CADM2: variants seen among roughly 807,000 people sequenced by gnomAD.
CADM2 encodes the protein cell adhesion molecule 2.
In CADM2, 12 loss-of-function variants were observed where a neutral mutation model predicts 49.8. The observed-to-expected ratio is 0.24, with a 90% confidence interval of 0.15 to 0.39. CADM2 has a LOEUF of 0.39. Ranked by LOEUF, CADM2 falls within the 10% of genes least tolerant of loss-of-function variation. The pLI is 1.00. For synonymous variants in CADM2, 214 were observed against 175.4 expected (o/e 1.22, Z -1.74); for missense variants, 378 against 492.3 (o/e 0.77, Z 2.20).
chr3:85,829,823 C>T (rs765377895), intron 3 of CADM2, among the ~76,000 whole-genome samples: 54 of 152,104 alleles, frequency 3.6e-4, no homozygotes, highest in East Asian at 3.9e-4. Context: ...CAGGTTCACT[C>T]ATGTTGTCCC....
rs1424093206 is a variant in CADM2, at chr3:86,019,777, G to T, written c.971-45828G>T. 8.5e-5 allele frequency among the ~76,000 whole-genome samples: 13 copies of T among 152,072 alleles called. No homozygotes were observed. In the East Asian group the frequency reaches 2.5e-3, roughly 29 times the overall value. ...TGCTTATCAGCTTAAGGAGATTTTG[G>T]GCTGAGACAATGGGGTTTTCTAGAT... On this transcript the variant is annotated intron_variant, in intron 8 of 9. Coordinates refer to ENST00000383699, the MANE Select transcript of CADM2 (RefSeq NM_001167675.2).
Position 85,025,296 on chromosome 3 carries a change from G to A in CADM2, c.61+65628G>A, listed in dbSNP as rs182704783. Among the ~76,000 whole-genome samples the A allele has an allele frequency of 3.1e-3, 467 of 152,084 alleles. 6 individuals carry two copies. Among genetic ancestry groups the A allele is most frequent in the African/African-American group, 0.011 (457 of 41,508 alleles). On this transcript the variant is annotated intron_variant, in intron 1 of 9. Coordinates refer to ENST00000383699, the MANE Select transcript of CADM2 (RefSeq NM_001167675.2). ...TTTAAGGTTTTTGGCAGGTTATGTG[G>A]GTCCCTGTTAAAGCAGTTACAGTCA...
chr3:85,291,787 A>G (rs1295427976), intron 1 of CADM2, among the ~76,000 whole-genome samples: 1 of 147,942 alleles, frequency 6.8e-6, no homozygotes, highest in African/African-American at 2.7e-5. Flanking sequence ...TCCTGAAGGA[A>G]GTGCTAAATA....
chr3:86,023,454 G>C (rs1481120007), intron 8 of CADM2, among the ~76,000 whole-genome samples: 1 of 152,030 alleles, frequency 6.6e-6, no homozygotes, highest in Non-Finnish European at 1.5e-5. Flanking sequence ...CACCTCCCGG[G>C]TTCAAGCAAT....
intron 8 of CADM2, chr3:86,013,557 G>T (rs1341277876): frequency 1.9e-5 from 31 of 1,603,534 alleles, no homozygotes; most frequent in Non-Finnish European, 2.5e-5. Context: ...GCAGATGGTA[G>T]AGATCTGTGA....
chr3:86,036,181 A>G (rs999564659), intron 8 of CADM2, among the ~76,000 whole-genome samples: 1 of 152,116 alleles, frequency 6.6e-6, no homozygotes, highest in African/African-American at 2.4e-5. Context: ...AAACCTTAAT[A>G]TATTAAGTCT....
chr3:85,919,888 T>G (rs951703077), intron 6 of CADM2, among the ~76,000 whole-genome samples: 7 of 151,902 alleles, frequency 4.6e-5, no homozygotes, highest in Non-Finnish European at 1.0e-4. Flanking sequence ...TCAATATAGA[T>G]GGGTTTAAAG....
intron 1 of CADM2, among the ~76,000 whole-genome samples, chr3:85,251,245 A>G (rs1258844128): frequency 2.0e-5 from 3 of 151,856 alleles, no homozygotes; most frequent in Non-Finnish European, 4.4e-5. Context: ...TTTGTTAAGC[A>G]TGTCCAAATT....
At chr3:85,455,337 T>A (rs373801743) in intron 1 of CADM2, among the ~76,000 whole-genome samples, 1 of 152,240 alleles carries the variant, frequency 6.6e-6, no homozygotes. Flanking sequence ...TCACATTTAT[T>A]ACCTTCATCT....
chr3:86,047,845 A>G (rs1318596803), intron 8 of CADM2, among the ~76,000 whole-genome samples: 1 of 152,168 alleles, frequency 6.6e-6, no homozygotes, highest in Non-Finnish European at 1.5e-5. Flanking sequence ...AACTTCTACA[A>G]TTAAACTTAG....
intron 1 of CADM2, among the ~76,000 whole-genome samples, chr3:85,058,666 A>G (rs1255763768): frequency 6.6e-6 from 1 of 151,862 alleles, no homozygotes; most frequent in African/African-American, 2.4e-5. Flanking sequence ...GTTGGTCTCT[A>G]ACTCCTGACC....
intron 1 of CADM2, among the ~76,000 whole-genome samples, chr3:85,076,339 G>GTGTGTGTGT (rs1553679923): frequency 1.9e-5 from 2 of 106,246 alleles, no homozygotes; most frequent in Admixed American, 9.9e-5. Flanking sequence ...GTGTGTGTGT[G>GTGTGTGTGT]GTGTGGTGTG....
rs116153377 is a variant in CADM2, at chr3:85,372,455, A to G, written c.62-354067A>G. Among the ~76,000 whole-genome samples the G allele has an allele frequency of 3.8e-3, 62 of 16,240 alleles. 1 individual carries two copies. Among genetic ancestry groups the G allele is most frequent in the African/African-American group, 6.6e-3 (57 of 8,596 alleles). 10.7% of individuals were successfully genotyped at this position (16,240 alleles called of 152,430 possible). A position where few individuals can be genotyped will look rare whatever the true frequency, so the allele number is the denominator to read the frequency against. On this transcript the variant is annotated intron_variant, in intron 1 of 9. Coordinates refer to ENST00000383699, the MANE Select transcript of CADM2 (RefSeq NM_001167675.2). The stretch of plus-strand genomic sequence containing the variant: ...TATATGTATATATGTGTATATATGT[A>G]TATATATGAGATCAAAATGTATGAA...
At chr3:85,707,059 C>T (rs72914810) in intron 1 of CADM2, among the ~76,000 whole-genome samples, 9,792 of 152,076 alleles carry the variant, frequency 0.064, 848 homozygotes, top group African/African-American at 0.2. Context: ...CTCAGCCTCC[C>T]GGGCTCAAGA....
At chr3:85,816,452 A>C (rs1007385440) in intron 3 of CADM2, among the ~76,000 whole-genome samples, 3 of 152,124 alleles carry the variant, frequency 2.0e-5, no homozygotes, top group Admixed American at 6.6e-5. Context: ...TATAATCTAC[A>C]ATGTACAGTC....
Position 85,979,307 on chromosome 3 carries a change from G to A in CADM2, c.970+17660G>A, listed in dbSNP as rs374587500. 3.2e-4 allele frequency: 507 copies of A among 1,605,850 alleles called. 1 individual carries two copies. Among genetic ancestry groups the A allele is most frequent in the Non-Finnish European group, 4.0e-4 (469 of 1,175,150 alleles). ...AGGTACAGTATGTTTCTTTGTTATA[G>A]CCTGGAAAGCACATTAACTGGAGCT... On this transcript the variant is annotated intron_variant, in intron 8 of 9. Coordinates refer to ENST00000383699, the MANE Select transcript of CADM2 (RefSeq NM_001167675.2).
intron 1 of CADM2, among the ~76,000 whole-genome samples, chr3:84,988,414 T>C (rs916884267): frequency 1.3e-5 from 2 of 152,258 alleles, no homozygotes; most frequent in South Asian, 2.1e-4. Flanking sequence ...TCTGTGTTTA[T>C]AGTCTCATTG....
At chr3:85,090,534 C>G (rs966265114) in intron 1 of CADM2, among the ~76,000 whole-genome samples, 1 of 152,094 alleles carries the variant, frequency 6.6e-6, no homozygotes, top group Non-Finnish European at 1.5e-5. Flanking sequence ...CCAATGAGCA[C>G]ATTCTATTTG....
At chr3:85,509,180 AC>A (rs1201983621) in intron 1 of CADM2, among the ~76,000 whole-genome samples, 7 of 152,134 alleles carry the variant, frequency 4.6e-5, no homozygotes, top group Non-Finnish European at 1.0e-4. Context: ...ACTAAAACTT[AC>A]CTAAGTTCTT....
Sources: gnomAD v4.1 joint callset for allele counts (sites outside exome capture counted in the v4.1 genomes callset) on GRCh38, gnomAD v4.1.1 for gene constraint, MANE v1.5 for transcripts, NCBI Gene and HGNC (gene_info 2026-07-23, HGNC 2026-07-21) for gene names.